RABGAP1L: variants seen among roughly 807,000 people sequenced by gnomAD.
RABGAP1L encodes rab GTPase-activating protein 1-like.
A neutral mutation model predicts 137.7 loss-of-function variants in RABGAP1L; 63 were observed. The ratio of observed to expected loss-of-function variants is 0.46; its 90% CI spans 0.37 to 0.56. The LOEUF (loss-of-function observed/expected upper bound fraction) is 0.56. Ranked by LOEUF, RABGAP1L falls within the 20% of genes least tolerant of loss-of-function variation. The pLI, the probability that RABGAP1L is intolerant of heterozygous loss-of-function variation, is 0.00. For missense variants in RABGAP1L, 1,095 were observed against 1,244.0 expected, an observed-to-expected ratio of 0.88 and a Z score of 1.80; for synonymous variants, 431 against 433.7, an observed-to-expected ratio of 0.99 and a Z score of 0.08.
chr1:174,838,726 G>A (rs1399249063), intron 19 of RABGAP1L, among the ~76,000 whole-genome samples: 1 of 151,370 alleles, frequency 6.6e-6, no homozygotes, highest in Non-Finnish European at 1.5e-5. Flanking sequence ...TCAGGGGATC[G>A]AGACCACAGT....
intron 20 of RABGAP1L, 62 bp downstream of exon 20, chr1:174,957,611 C>G: frequency 7.1e-7 from 1 of 1,410,078 alleles, no homozygotes; most frequent in South Asian, 1.2e-5. Context: ...GAGACTGAGT[C>G]TTGCCGTGTT....
At chr1:174,370,873 A>T in intron 11 of RABGAP1L, 106 bp from the exon 12 acceptor site, 1 of 482,254 alleles carries the variant, frequency 2.1e-6, no homozygotes, top group Admixed American at 3.8e-5. Flanking sequence ...TAATATGAAG[A>T]GAAGCTGGTT....
chr1:174,885,698 T>TCCCAAAG (rs1437841828), intron 19 of RABGAP1L, among the ~76,000 whole-genome samples: 2 of 151,844 alleles, frequency 1.3e-5, no homozygotes, highest in Admixed American at 1.3e-4. Context: ...CCAGGCGTAG[T>TCCCAAAG]TGCTCACGCC....
Position 174,839,864 on chromosome 1 carries a change from C to T in RABGAP1L, c.2340+27904C>T, listed in dbSNP as rs936050434. Reference sequence around the variant, plus strand: ...TGGTAAAAATATTTTTTCAGGCAGACTAAACTGAACTGAAGAGAGAGATAC... The same window carrying T: ...TGGTAAAAATATTTTTTCAGGCAGATTAAACTGAACTGAAGAGAGAGATAC... On this transcript the variant is annotated intron_variant, in intron 19 of 25. Transcript: ENST00000681986. Among the ~76,000 whole-genome samples, 7 of 152,190 alleles carry T rather than the reference C, an allele frequency of 4.6e-5. No homozygotes were observed. In the East Asian group the frequency reaches 1.2e-3, roughly 25 times the overall value.
intron 13 of RABGAP1L, among the ~76,000 whole-genome samples, chr1:174,457,729 C>G (rs897826643): frequency 8.5e-5 from 13 of 152,082 alleles, no homozygotes; most frequent in Admixed American, 7.2e-4. Context: ...TCTCAAACTC[C>G]TGAACTCAAG....
At chr1:174,189,423 AC>A (rs770503022) in intron 1 of RABGAP1L, among the ~76,000 whole-genome samples, 28 of 152,372 alleles carry the variant, frequency 1.8e-4, no homozygotes, top group Middle Eastern at 3.4e-3. Flanking sequence ...AGCTTCTGTT[AC>A]TGTATTAGTA....
Position 174,360,330 on chromosome 1 carries a change from G to A in RABGAP1L, c.1466-10649G>A, listed in dbSNP as rs139333099. On this transcript the variant is annotated intron_variant, in intron 11 of 25. Transcript: ENST00000681986. ...AATATAAAACTCAGAAATAAAAGAA[G>A]TATTCTCTAAGTATTTAGTGCTTGC... Among the ~76,000 whole-genome samples, 128 of 152,184 alleles carry A rather than the reference G, an allele frequency of 8.4e-4. 2 individuals carry two copies. The East Asian group carries it at 0.023, about 27-fold the overall frequency.
intron 11 of RABGAP1L, among the ~76,000 whole-genome samples, chr1:174,351,353 A>G (rs1339244797): frequency 2.6e-5 from 4 of 152,182 alleles, no homozygotes; most frequent in African/African-American, 4.8e-5. Context: ...CTTGTCGGAC[A>G]GGTCTGGTGT....
chr1:174,440,102 A>G (rs1000026242), intron 13 of RABGAP1L, among the ~76,000 whole-genome samples: 1 of 152,172 alleles, frequency 6.6e-6, no homozygotes, highest in East Asian at 1.9e-4. Context: ...TAGGGAACAT[A>G]GCAAATATAT....
chr1:174,346,993 G>A (rs1308005598), intron 11 of RABGAP1L, among the ~76,000 whole-genome samples: 1 of 152,070 alleles, frequency 6.6e-6, no homozygotes, highest in Non-Finnish European at 1.5e-5. Flanking sequence ...GGTCATTCAG[G>A]AGGAAGTTGT....
intron 17 of RABGAP1L, among the ~76,000 whole-genome samples, chr1:174,748,414 A>T (rs1181006992): frequency 1.3e-5 from 2 of 152,178 alleles, no homozygotes; most frequent in African/African-American, 4.8e-5. Context: ...TACTAAACAC[A>T]TATGTAAACC....
At chr1:174,325,677 C>T (rs1196536802) in intron 11 of RABGAP1L, among the ~76,000 whole-genome samples, 2 of 152,194 alleles carry the variant, frequency 1.3e-5, no homozygotes, top group Admixed American at 1.3e-4. Flanking sequence ...GGTCCCTTCA[C>T]AGGAGGCTCA....
At chr1:174,798,390 G>T (rs1471436290) in intron 18 of RABGAP1L, among the ~76,000 whole-genome samples, 1 of 150,546 alleles carries the variant, frequency 6.6e-6, no homozygotes, top group African/African-American at 2.4e-5. Context: ...GTGACAGAGC[G>T]ACAATCCGTT....
intron 13 of RABGAP1L, among the ~76,000 whole-genome samples, chr1:174,398,146 A>G (rs1448155571): frequency 6.6e-6 from 1 of 152,170 alleles, no homozygotes; most frequent in African/African-American, 2.4e-5. Context: ...ATATGTAGCA[A>G]TATACACTTG....
chr1:174,585,323 C>T (rs72715245), intron 13 of RABGAP1L, among the ~76,000 whole-genome samples: 32,254 of 152,038 alleles, frequency 0.21, 3,760 homozygotes, highest in Admixed American at 0.25. Context: ...TTAGGACCCC[C>T]CACCCAAAGA....
chr1:174,619,976 A>G (rs1672287292), intron 13 of RABGAP1L, among the ~76,000 whole-genome samples: 1 of 152,190 alleles, frequency 6.6e-6, no homozygotes, highest in Non-Finnish European at 1.5e-5. Flanking sequence ...AAAAAAAGGT[A>G]CGGGTTGCAA....
At chr1:174,842,437 C>T (rs962818610) in intron 19 of RABGAP1L, among the ~76,000 whole-genome samples, 1 of 152,154 alleles carries the variant, frequency 6.6e-6, no homozygotes, top group African/African-American at 2.4e-5. Flanking sequence ...ACTACAGAAC[C>T]ATAGATCATA....
At chr1:174,578,319 G>C (rs183004822) in intron 13 of RABGAP1L, among the ~76,000 whole-genome samples, 1 of 152,180 alleles carries the variant, frequency 6.6e-6, no homozygotes, top group Admixed American at 6.5e-5. Flanking sequence ...TGAGTAGCTG[G>C]GACAACAGGT....
At chr1:174,822,497 C>T (rs1691137094) in intron 19 of RABGAP1L, among the ~76,000 whole-genome samples, 1 of 152,154 alleles carries the variant, frequency 6.6e-6, no homozygotes, top group Non-Finnish European at 1.5e-5. Context: ...AGGCACCTTC[C>T]ACATTTAAAA....
Sources: allele counts gnomAD v4.1 joint callset (sites outside exome capture counted in the v4.1 genomes callset), GRCh38; gene constraint gnomAD v4.1.1; transcripts MANE v1.5; gene names NCBI Gene and HGNC (gene_info 2026-07-23, HGNC 2026-07-21).